The following ARHGAP17 variants were observed in gnomAD, a reference collection of about 807,000 sequenced individuals.
ARHGAP17 encodes the protein rho GTPase-activating protein 17.
In ARHGAP17, 57 loss-of-function variants were observed where a neutral mutation model predicts 99.5. The observed-to-expected ratio is 0.57, with a 90% CI of 0.46 to 0.71. ARHGAP17 has a LOEUF of 0.71. ARHGAP17 is among the 30% of genes least tolerant of loss of function. The pLI is 0.00. For missense variants in ARHGAP17, 1,000 were observed against 1,122.4 expected (o/e 0.89, Z 1.56); for synonymous variants, 417 against 429.6 (o/e 0.97, Z 0.36).
intron 1 of ARHGAP17, among the ~76,000 whole-genome samples, chr16:24,979,410 T>C (rs1485987835): frequency 6.6e-6 from 1 of 152,200 alleles, no homozygotes; most frequent in Non-Finnish European, 1.5e-5. Flanking sequence ...TCTAGAGACA[T>C]GGCTTTGAGA....
intron 1 of ARHGAP17, among the ~76,000 whole-genome samples, chr16:25,012,529 G>C (rs1001181526): frequency 3.3e-5 from 5 of 152,092 alleles, no homozygotes; most frequent in Middle Eastern, 6.3e-3. Context: ...CCTTTGCTTT[G>C]TAGCCTTCAT....
intron 9 of ARHGAP17, 23 bp from the exon 10 acceptor site, chr16:24,954,753 T>C (rs751472116): frequency 1.2e-6 from 2 of 1,612,160 alleles, no homozygotes; most frequent in East Asian, 4.5e-5. Context: ...ATTGTTCAGT[T>C]AGACACCCAA....
chr16:24,980,777 C>T (rs1286403259), intron 1 of ARHGAP17, among the ~76,000 whole-genome samples: 1 of 152,170 alleles, frequency 6.6e-6, no homozygotes, highest in Non-Finnish European at 1.5e-5. Flanking sequence ...TAGCAAAATG[C>T]CACCAGGGAA....
At chr16:24,964,386 T>G in intron 6 of ARHGAP17, 78 bp from the exon 7 acceptor site, 4 of 960,164 alleles carry the variant, frequency 4.2e-6, no homozygotes, top group Non-Finnish European at 3.2e-6. Flanking sequence ...CTGGTGGAGA[T>G]AGATCCTTCC....
chr16:24,986,369 TTAGTTTATC>T (rs141526664), intron 1 of ARHGAP17, among the ~76,000 whole-genome samples: 5,691 of 152,274 alleles, frequency 0.037, 338 homozygotes, highest in African/African-American at 0.13. Flanking sequence ...AGGCCTACAC[TTAGTTTATC>T]TAAACCAGGG....
chr16:24,962,735 A>G (rs1050474143), intron 7 of ARHGAP17, among the ~76,000 whole-genome samples: 1 of 152,256 alleles, frequency 6.6e-6, no homozygotes. Flanking sequence ...CAGAATTAAC[A>G]GAGATTATTA....
At chr16:24,948,964 G>A (rs2051552862) in intron 13 of ARHGAP17, 1 of 152,470 alleles carries the variant, frequency 6.6e-6, no homozygotes, top group Non-Finnish European at 1.5e-5. Flanking sequence ...ATTCCACAAA[G>A]CAATATATAA....
At chr16:24,991,973 G>A (rs534461855) in intron 1 of ARHGAP17, among the ~76,000 whole-genome samples, 2 of 152,334 alleles carry the variant, frequency 1.3e-5, no homozygotes, top group Non-Finnish European at 2.9e-5. Context: ...GGCACAGATA[G>A]AAGAGTGATT....
chr16:24,944,987 C>T (rs2051425742), intron 14 of ARHGAP17, among the ~76,000 whole-genome samples: 1 of 151,914 alleles, frequency 6.6e-6, no homozygotes, highest in Non-Finnish European at 1.5e-5. Context: ...GTGGACTAGT[C>T]TCAAGATGAG....
chr16:25,002,849 A>C (rs192598651), intron 1 of ARHGAP17, among the ~76,000 whole-genome samples: 8 of 152,140 alleles, frequency 5.3e-5, no homozygotes, highest in Middle Eastern at 6.8e-3. Flanking sequence ...GACCAGCCTG[A>C]CCAATATGGT....
intron 7 of ARHGAP17, among the ~76,000 whole-genome samples, chr16:24,963,817 A>G (rs573173459): frequency 6.6e-6 from 1 of 152,332 alleles, no homozygotes; most frequent in Non-Finnish European, 1.5e-5. Flanking sequence ...CAGAAAACCT[A>G]TACTATTTCA....
intron 19 of ARHGAP17, among the ~76,000 whole-genome samples, chr16:24,925,956 A>G (rs940709153): frequency 2.0e-5 from 3 of 151,862 alleles, no homozygotes; most frequent in Non-Finnish European, 4.4e-5. Context: ...TAAAAATACA[A>G]AAAATTAGCT....
At chr16:24,933,382 C>G (rs987788816) in intron 18 of ARHGAP17, among the ~76,000 whole-genome samples, 1 of 151,500 alleles carries the variant, frequency 6.6e-6, no homozygotes, top group African/African-American at 2.4e-5. Flanking sequence ...TTTGAGAGGC[C>G]AAAGTGGGAG....
intron 18 of ARHGAP17, among the ~76,000 whole-genome samples, chr16:24,934,375 T>C (rs1024665407): frequency 3.9e-5 from 6 of 152,124 alleles, no homozygotes; most frequent in Non-Finnish European, 7.4e-5. Context: ...TTGGCCAGGC[T>C]TGAACTCCTG....
chr16:24,961,231 G>C (rs1027687971), intron 7 of ARHGAP17, among the ~76,000 whole-genome samples: 3 of 152,092 alleles, frequency 2.0e-5, no homozygotes, highest in Non-Finnish European at 2.9e-5. Context: ...AATTAGTACA[G>C]TTATTACCTA....
At chr16:24,962,231 A>T (rs1445663168) in intron 7 of ARHGAP17, among the ~76,000 whole-genome samples, 2 of 152,184 alleles carry the variant, frequency 1.3e-5, no homozygotes, top group Non-Finnish European at 2.9e-5. Context: ...TGGAAGCTGG[A>T]GATGACCTGG....
At chr16:25,003,230 C>CTTTTTT (rs564573463) in intron 1 of ARHGAP17, among the ~76,000 whole-genome samples, 10 of 90,738 alleles carry the variant, frequency 1.1e-4, no homozygotes, top group African/African-American at 1.8e-4. Context: ...AGCTTTAAAG[C>CTTTTTT]TTTTTTTTTT....
chr16:25,014,942 G>A (rs2053743355), intron 1 of ARHGAP17, among the ~76,000 whole-genome samples: 1 of 152,132 alleles, frequency 6.6e-6, no homozygotes, highest in Non-Finnish European at 1.5e-5. Context: ...ACAATGGGCA[G>A]GGGACCCCGC....
chr16:24,987,806 G>A (rs1017885993), intron 1 of ARHGAP17, among the ~76,000 whole-genome samples: 2 of 152,196 alleles, frequency 1.3e-5, no homozygotes, highest in Non-Finnish European at 2.9e-5. Flanking sequence ...AAAAAATGAA[G>A]CATGGAGAGA....
Sources: allele counts gnomAD v4.1 joint callset (sites outside exome capture counted in the v4.1 genomes callset), GRCh38; gene constraint gnomAD v4.1.1; transcripts MANE v1.5; gene names NCBI Gene and HGNC (gene_info 2026-07-23, HGNC 2026-07-21).